The following NUMB variants were observed in gnomAD, a reference collection of about 807,000 sequenced individuals.
NUMB encodes protein numb homolog.
Under a neutral mutation model 59.7 loss-of-function variants are expected in NUMB, and 29 were observed. That is an observed-to-expected ratio of 0.49 (90% confidence interval 0.36 to 0.66). NUMB has a LOEUF of 0.66. NUMB is among the 30% of genes least tolerant of loss of function. The probability of loss-of-function intolerance (pLI) is 0.00; values close to 1 mark genes in which losing one functional copy is unlikely to be tolerated. For missense variants in NUMB, 723 were observed against 822.0 expected (o/e 0.88, Z 1.47); for synonymous variants, 288 against 288.2 (o/e 1.00, Z 0.01).
chr14:73,432,515 A>G (rs890640729), intron 1 of NUMB, among the ~76,000 whole-genome samples: 7 of 152,162 alleles, frequency 4.6e-5, no homozygotes, highest in African/African-American at 1.7e-4. Context: ...AGCATTAAAA[A>G]AACTTTAAAG....
At chr14:73,282,332 C>T in intron 11 of NUMB, 27 bp downstream of exon 11, 1 of 1,612,042 alleles carries the variant, frequency 6.2e-7, no homozygotes, top group Non-Finnish European at 8.5e-7. Context: ...GTAAAGAGAA[C>T]AGCTGAGCAG....
chr14:73,429,349 G>GT (rs1390295366), intron 1 of NUMB, among the ~76,000 whole-genome samples: 1 of 152,102 alleles, frequency 6.6e-6, no homozygotes, highest in African/African-American at 2.4e-5. Context: ...TCCAGCCTGG[G>GT]TGACAGAGCG....
chr14:73,335,059 C>G (rs914743774), intron 4 of NUMB, among the ~76,000 whole-genome samples: 2 of 151,462 alleles, frequency 1.3e-5, no homozygotes, highest in Non-Finnish European at 2.9e-5. Flanking sequence ...GTATTATATA[C>G]CTGTGCTTTC....
At chr14:73,406,312 T>C (rs1896673086) in intron 2 of NUMB, among the ~76,000 whole-genome samples, 1 of 147,546 alleles carries the variant, frequency 6.8e-6, no homozygotes, top group Non-Finnish European at 1.5e-5. Context: ...TTCTCATTGT[T>C]CAATTCCCAC....
intron 3 of NUMB, among the ~76,000 whole-genome samples, chr14:73,357,882 G>GCC (rs35880157): frequency 3.6e-4 from 47 of 132,222 alleles, no homozygotes; most frequent in East Asian, 1.4e-3. Context: ...TTATCCTGAG[G>GCC]CCCCCCCCAA....
Position 73,330,544 on chromosome 14 carries a change from T to TGTCTGTGTCTC in NUMB, c.127-7341_127-7340insGAGACACAGAC, listed in dbSNP as rs1224631419. ...CAAATTACACGACTTGTCTGTGTATTACTTGTCTGTGTCTCAATTTCCTCA... is the reference window on the plus strand; with the variant it reads ...CAAATTACACGACTTGTCTGTGTATTGTCTGTGTCTCACTTGTCTGTGTCTCAATTTCCTCA... On this transcript the variant is annotated intron_variant, in intron 4 of 12. Transcript: ENST00000555238. Among the ~76,000 whole-genome samples, 3 of 152,348 alleles carry TGTCTGTGTCTC rather than the reference T, an allele frequency of 2.0e-5. No individual in the cohort carries two copies. The East Asian group carries it at 5.8e-4, about 29-fold the overall frequency.
At chr14:73,345,548 G>A (rs1284151964) in intron 4 of NUMB, among the ~76,000 whole-genome samples, 1 of 152,144 alleles carries the variant, frequency 6.6e-6, no homozygotes, top group Non-Finnish European at 1.5e-5. Context: ...TAATTACATT[G>A]AGGATCCCAA....
intron 4 of NUMB, among the ~76,000 whole-genome samples, chr14:73,352,521 TATATA>T (rs1893436042): frequency 2.0e-4 from 5 of 24,952 alleles, no homozygotes; most frequent in Non-Finnish European, 2.2e-4. Flanking sequence ...TATATATATA[TATATA>T]TATGTTTTTT....
At position 73,389,283 on chromosome 14, in the gene NUMB, A is replaced by AC. The variant is rs1430421928; in HGVS notation, c.-101+20653_-101+20654insG. Among the ~76,000 whole-genome samples the AC allele has an allele frequency of 6.4e-5, 6 of 93,958 alleles. No individual in the cohort carries two copies. The South Asian group carries it at 1.9e-3, about 30-fold the overall frequency. 61.6% of individuals were successfully genotyped at this position (93,958 alleles called of 152,430 possible). A position where few individuals can be genotyped will look rare whatever the true frequency, so the allele number is the denominator to read the frequency against. On this transcript the variant is annotated intron_variant, in intron 2 of 12. Coordinates refer to ENST00000555238, the MANE Select transcript of NUMB (RefSeq NM_001005743.2). ...GAGACTCCATCTCTCAAAAAAAAAA[A>AC]AAAAAAAAAACAAAAACAAAAACAC...
intron 12 of NUMB, among the ~76,000 whole-genome samples, chr14:73,277,994 G>A (rs745316374): frequency 3.5e-5 from 5 of 143,430 alleles, no homozygotes; most frequent in Non-Finnish European, 6.0e-5. Flanking sequence ...AGAGGCAGAG[G>A]GTGCAGTGAA....
At chr14:73,437,712 A>ATTT (rs1898117107) in intron 1 of NUMB, among the ~76,000 whole-genome samples, 1 of 152,266 alleles carries the variant, frequency 6.6e-6, no homozygotes, top group Non-Finnish European at 1.5e-5. Flanking sequence ...CATGAAATCC[A>ATTT]AGAACACATT....
intron 6 of NUMB, among the ~76,000 whole-genome samples, chr14:73,309,021 A>G (rs188474229): frequency 6.6e-6 from 1 of 152,284 alleles, no homozygotes; most frequent in Non-Finnish European, 1.5e-5. Flanking sequence ...AAGATGGTAT[A>G]TTTTTATGCT....
intron 7 of NUMB, among the ~76,000 whole-genome samples, chr14:73,296,647 A>G (rs1408340971): frequency 6.6e-6 from 1 of 152,180 alleles, no homozygotes; most frequent in African/African-American, 2.4e-5. Flanking sequence ...TCAACAATAT[A>G]ATACCCTTCA....
intron 2 of NUMB, among the ~76,000 whole-genome samples, chr14:73,386,700 A>C (rs554237321): frequency 8.2e-4 from 125 of 152,226 alleles, no homozygotes; most frequent in African/African-American, 2.7e-3. Context: ...TTCCCATTCA[A>C]CATTTGTTCT....
At chr14:73,401,417 C>T (rs898523660) in intron 2 of NUMB, among the ~76,000 whole-genome samples, 3 of 148,926 alleles carry the variant, frequency 2.0e-5, no homozygotes, top group Admixed American at 2.0e-4. Context: ...AAAAAAAAAA[C>T]AGGGGATGGT....
At chr14:73,403,954 A>G (rs1484471391) in intron 2 of NUMB, among the ~76,000 whole-genome samples, 1 of 151,980 alleles carries the variant, frequency 6.6e-6, no homozygotes, top group African/African-American at 2.4e-5. Context: ...TTAGCCAGGC[A>G]TGGTGGCGCG....
At chr14:73,316,245 C>G (rs987672618) in intron 6 of NUMB, 145 bp downstream of exon 6, 2 of 660,836 alleles carry the variant, frequency 3.0e-6, no homozygotes, top group Non-Finnish European at 5.3e-6. Context: ...ATAGTAACTT[C>G]CTAATTCATT....
chr14:73,377,248 T>C lies in NUMB; in HGVS notation c.-100-10267A>G, dbSNP rs116117267. Among the ~76,000 whole-genome samples the C allele has an allele frequency of 5.5e-3, 835 of 152,292 alleles. 16 individuals are homozygous for C. The highest frequency in any genetic ancestry group is 0.019 in the African/African-American group (802 of 41,562). On this transcript the variant is annotated intron_variant, in intron 2 of 12. Coordinates refer to ENST00000555238, the MANE Select transcript of NUMB (RefSeq NM_001005743.2). The stretch of plus-strand genomic sequence containing the variant: ...ATTAATAAGCTGGACTTCATTAAAA[T>C]TTAAAATTTCTTCTCTACTAAAGAC...
At chr14:73,362,904 T>C (rs542837186) in intron 3 of NUMB, among the ~76,000 whole-genome samples, 2 of 152,192 alleles carry the variant, frequency 1.3e-5, no homozygotes, top group East Asian at 1.9e-4. Flanking sequence ...ATCCCAGTAC[T>C]TTGGGAGGCT....
Sources: gnomAD v4.1 joint callset for allele counts (sites outside exome capture counted in the v4.1 genomes callset) on GRCh38, gnomAD v4.1.1 for gene constraint, MANE v1.5 for transcripts, NCBI Gene and HGNC (gene_info 2026-07-23, HGNC 2026-07-21) for gene names.